The following PRCD variants were observed in gnomAD, a reference collection of about 807,000 sequenced individuals.
PRCD encodes the protein photoreceptor disc component.
In PRCD, 12 loss-of-function variants were observed where a neutral mutation model predicts 10.1. That is an observed-to-expected ratio of 1.18 (90% CI 0.76 to 1.92). The LOEUF (loss-of-function observed/expected upper bound fraction) is 1.92. PRCD is among the 40% of genes most tolerant of loss of function. PRCD has a pLI of 0.00. For missense variants in PRCD, 61 were observed against 72.2 expected (o/e 0.84, Z 0.56); for synonymous variants, 31 against 26.2 (o/e 1.18, Z -0.56).
At chr17:76,548,223 A>G (rs937688411), downstream of PRCD, among the ~76,000 whole-genome samples, 2 of 152,126 alleles carry the variant, frequency 1.3e-5, no homozygotes, top group African/African-American at 4.8e-5. Flanking sequence ...ACACTTATAG[A>G]CACACATAGC....
chr17:76,539,132 G>A (rs2074957491), upstream of PRCD, among the ~76,000 whole-genome samples: 1 of 152,090 alleles, frequency 6.6e-6, no homozygotes, highest in Non-Finnish European at 1.5e-5. Context: ...GGGGCTGGAG[G>A]GGAGCGGGTG....
intron 1 of PRCD, among the ~76,000 whole-genome samples, chr17:76,534,595 C>T (rs1598206079): frequency 6.6e-6 from 1 of 152,362 alleles, no homozygotes; most frequent in South Asian, 2.1e-4. Context: ...CCTTGCAATT[C>T]TCTCCTGAGG....
Position 76,531,288 on chromosome 17 carries a change from A to G in PRCD, n.45+3455A>G. 6.6e-6 allele frequency: 8 copies of G among 1,212,742 alleles called. No individual in the cohort carries two copies. The highest frequency in any genetic ancestry group is 9.2e-6 in the Non-Finnish European group (8 of 869,830). 75.1% of individuals were successfully genotyped at this position (1,212,742 alleles called of 1,614,324 possible). A position where few individuals can be genotyped will look rare whatever the true frequency, so the allele number is the denominator to read the frequency against. On this transcript the variant is annotated intron_variant and non_coding_transcript_variant, in intron 1 of 4. Transcript: ENST00000397633. This position sits in a 1 kb window ranked among gnomAD's most constrained non-coding sequence, Gnocchi z 7.4. ...TTGGGAACCCCGTGCTCTCAGGACAAGGGTTGCCCTGGACCCAGCCCCTCC... is the reference window on the plus strand; with the variant it reads ...TTGGGAACCCCGTGCTCTCAGGACAGGGGTTGCCCTGGACCCAGCCCCTCC...
rs1159706637 is a variant in PRCD, at chr17:76,545,271, G to C, written c.*1621G>C. 1 of 456,784 alleles carries C rather than the reference G, an allele frequency of 2.2e-6. No individual in the cohort carries two copies. Among genetic ancestry groups the C allele is most frequent in the South Asian group, 1.5e-5 (1 of 64,572 alleles). 28.3% of individuals were successfully genotyped at this position (456,784 alleles called of 1,614,324 possible). ...CCCACAGAAGGCTCCTGGGACCCGGGTGCCCCTTCCTTGGCCCACTGGCTC... is the reference window on the plus strand; with the variant it reads ...CCCACAGAAGGCTCCTGGGACCCGGCTGCCCCTTCCTTGGCCCACTGGCTC... On this transcript the variant is annotated 3_prime_UTR_variant, in exon 5 of 5. Coordinates refer to ENST00000592014, the MANE Select transcript of PRCD (RefSeq NM_001077620.3).
At chr17:76,545,530 G>A (rs886289750), downstream of PRCD, 7 of 359,114 alleles carry the variant, frequency 1.9e-5, no homozygotes, top group African/African-American at 1.5e-4. Flanking sequence ...TCTGGTCTAG[G>A]GTGCTGGCTA....
At chr17:76,529,778 C>T (rs906308542) in intron 1 of PRCD, 2 of 985,336 alleles carry the variant, frequency 2.0e-6, no homozygotes, top group Non-Finnish European at 2.4e-6. Context: ...CTCTGGTGGG[C>T]CAACATCTGC....
chr17:76,550,620 AT>A (rs2075100881), intron 1 of PRCD: 1 of 152,246 alleles, frequency 6.6e-6, no homozygotes, highest in African/African-American at 2.4e-5. Flanking sequence ...TTGTGGTTAC[AT>A]GGGTCTATAC....
upstream of PRCD, among the ~76,000 whole-genome samples, chr17:76,536,724 G>C (rs952498532): frequency 2.0e-5 from 3 of 152,080 alleles, no homozygotes; most frequent in African/African-American, 7.2e-5. Context: ...TTAGGGTTAG[G>C]CCCTGTCTCC....
Position 76,528,593 on chromosome 17 carries a change from G to A in PRCD, n.45+760G>A, listed in dbSNP as rs1434579018. 7.8e-7 allele frequency: 1 copy of A among 1,286,534 alleles called. No individual in the cohort carries two copies. The allele number at this position is 1,286,534 out of a possible 1,614,324, so 79.7% of individuals were successfully genotyped here. On this transcript the variant is annotated intron_variant and non_coding_transcript_variant, in intron 1 of 4. Coordinates refer to the PRCD transcript ENST00000397633. The surrounding 1 kb of genome is among the most constrained non-coding windows in gnomAD (Gnocchi z 5.8). ...GTTAGGGGTCCTACGGCCCCGAAGAGGGCAGTGTGGCCGGTGGGCTGTGGA... is the reference window on the plus strand; with the variant it reads ...GTTAGGGGTCCTACGGCCCCGAAGAAGGCAGTGTGGCCGGTGGGCTGTGGA...
chr17:76,550,261 GGTT>G (rs1379129340), downstream of PRCD: 1 of 150,422 alleles, frequency 6.6e-6, no homozygotes, highest in African/African-American at 2.5e-5. Flanking sequence ...CAGCCTAGAA[GGTT>G]CTTTTTTTTT....
chr17:76,539,651 T>C (rs774315560), upstream of PRCD, among the ~76,000 whole-genome samples: 3 of 152,238 alleles, frequency 2.0e-5, no homozygotes, highest in Non-Finnish European at 4.4e-5. Flanking sequence ...CATGCTTTCA[T>C]GTCAGTAGCT....
intron 1 of PRCD, among the ~76,000 whole-genome samples, chr17:76,534,231 C>A (rs1243229641): frequency 6.7e-6 from 1 of 150,220 alleles, no homozygotes; most frequent in Non-Finnish European, 1.5e-5. Flanking sequence ...GGCTGCAGTG[C>A]ACTGGTGCAA....
intron 4 of PRCD, chr17:76,543,449 C>T (rs936440754): frequency 1.8e-5 from 6 of 340,640 alleles, no homozygotes; most frequent in Admixed American, 1.6e-4. Flanking sequence ...CAAGGGCTTC[C>T]ATTCATTCTG....
rs201348972 is a variant in PRCD at position 76,529,664 on chromosome 17, C to T, written n.45+1831C>T. On this transcript the variant is annotated intron_variant and non_coding_transcript_variant, in intron 1 of 4. Transcript: ENST00000397633. Reference sequence around the variant, plus strand: ...GGAGAGGGGTGGGAGGGCAGGCAAGCCCCCTCCCCTCCTCTTCCCCTGTCT... The same window carrying T: ...GGAGAGGGGTGGGAGGGCAGGCAAGTCCCCTCCCCTCCTCTTCCCCTGTCT... 5.1e-6 allele frequency: 5 copies of T among 985,296 alleles called. No individual in the cohort carries two copies. In the East Asian group the frequency reaches 5.7e-4, roughly 112 times the overall value. The allele number at this position is 985,296 out of a possible 1,614,324, so 61.0% of individuals were successfully genotyped here. A position where few individuals can be genotyped will look rare whatever the true frequency, so the allele number is the denominator to read the frequency against.
In PRCD at chr17:76,531,893, A is replaced by G; in HGVS notation, n.45+4060A>G. 2 of 523,744 alleles carry G rather than the reference A, an allele frequency of 3.8e-6. No individual in the cohort carries two copies. Among genetic ancestry groups the G allele is most frequent in the East Asian group, 6.1e-5 (2 of 32,762 alleles). 32.4% of individuals were successfully genotyped at this position (523,744 alleles called of 1,614,324 possible). A position where few individuals can be genotyped will look rare whatever the true frequency, so the allele number is the denominator to read the frequency against. On this transcript the variant is annotated intron_variant and non_coding_transcript_variant, in intron 1 of 4. Transcript: ENST00000397633. This position sits in a 1 kb window ranked among gnomAD's most constrained non-coding sequence, Gnocchi z 7.4. ...CGGCTCACCCCTACCAAGTCTGGCC[A>G]TGTCTATCTGCCAGGCTTGCTCAGG...
intron 4 of PRCD, 30 bp downstream of exon 4, chr17:76,543,151 GC>G (rs1567912519): frequency 2.1e-6 from 1 of 466,578 alleles, no homozygotes; most frequent in Non-Finnish European, 4.5e-6. Context: ...CCCGGGACCT[GC>G]CAGTCTCCCC....
chr17:76,548,355 T>C (rs954074530), downstream of PRCD, among the ~76,000 whole-genome samples: 2 of 152,210 alleles, frequency 1.3e-5, no homozygotes, highest in Admixed American at 6.5e-5. Flanking sequence ...GAACTAAGCA[T>C]TAAAATAAAT....
At chr17:76,532,530 CTTTT>C (rs111936272) in intron 1 of PRCD, among the ~76,000 whole-genome samples, 5 of 125,724 alleles carry the variant, frequency 4.0e-5, no homozygotes, top group Admixed American at 8.2e-5. Flanking sequence ...ATGACAATGG[CTTTT>C]TTTTTTTTTT....
intron 1 of PRCD, chr17:76,551,779 AGGAAACATGGCATGGT>A (rs958553002): frequency 6.6e-6 from 1 of 152,154 alleles, no homozygotes; most frequent in Non-Finnish European, 1.5e-5. Context: ...TAATTTTTTT[AGGAAACATGGCATGGT>A]GGCTGAGACC....
Sources: gnomAD v4.1 joint callset for allele counts (sites outside exome capture counted in the v4.1 genomes callset) on GRCh38, gnomAD v4.1.1 for gene constraint, Gnocchi (gnomAD v3.1) non-coding constraint, MANE v1.5 for transcripts, NCBI Gene and HGNC (gene_info 2026-07-23, HGNC 2026-07-21) for gene names.